The following PTK2 variants were observed in gnomAD, a reference collection of about 807,000 sequenced individuals.
The protein encoded by PTK2 is protein tyrosine kinase 2.
A neutral mutation model predicts 150.1 loss-of-function variants in PTK2; 45 were observed. The ratio of observed to expected loss-of-function variants is 0.30; its 90% CI spans 0.24 to 0.38. PTK2 has a LOEUF of 0.38. Ranked by LOEUF, PTK2 falls within the 10% of genes least tolerant of loss-of-function variation. The probability of loss-of-function intolerance (pLI) is 1.00; values close to 1 mark genes in which losing one functional copy is unlikely to be tolerated. For synonymous variants in PTK2, 432 were observed against 449.2 expected (o/e 0.96, Z 0.48); for missense variants, 919 against 1,307.3 (o/e 0.70, Z 4.58).
chr8:140,727,174 G>A (rs2100046356), intron 22 of PTK2, among the ~76,000 whole-genome samples: 1 of 152,208 alleles, frequency 6.6e-6, no homozygotes, highest in African/African-American at 2.4e-5. Flanking sequence ...GCCAAATTGT[G>A]CACTTTGGCA....
chr8:140,995,404 A>C lies in PTK2; in HGVS notation c.-122+5721T>G, dbSNP rs542975436. On this transcript the variant is annotated intron_variant, in intron 1 of 31. Transcript: ENST00000522684. ...CTCAAAAAAAAAAAAAAAAAAGAAA[A>C]GAAACTCTATAATGGCCTCAAAGTG... Among the ~76,000 whole-genome samples, 8 of 150,658 alleles carry C rather than the reference A, an allele frequency of 5.3e-5. No homozygotes were observed. The East Asian group carries it at 7.8e-4, about 15-fold the overall frequency.
At chr8:140,851,989 GCA>G (rs1416792099) in intron 5 of PTK2, among the ~76,000 whole-genome samples, 2 of 152,076 alleles carry the variant, frequency 1.3e-5, no homozygotes, top group Non-Finnish European at 2.9e-5. Flanking sequence ...ACATGTGTGT[GCA>G]CACACACAAT....
chr8:140,747,015 C>T (rs902066347), intron 17 of PTK2, 155 bp from the exon 21 acceptor site: 13 of 552,216 alleles, frequency 2.4e-5, no homozygotes, highest in Middle Eastern at 5.1e-4. Context: ...CTCAGCCTCC[C>T]GAGTAGCTGG....
intron 7 of PTK2, among the ~76,000 whole-genome samples, chr8:140,842,203 A>T (rs1350629736): frequency 6.6e-6 from 1 of 152,086 alleles, no homozygotes; most frequent in African/African-American, 2.4e-5. Context: ...AAATTTTCTT[A>T]TTTGACACTG....
At chr8:140,706,192 C>A in exon 24 of PTK2, 1 of 1,613,022 alleles carries the variant, frequency 6.2e-7, no homozygotes, top group Non-Finnish European at 8.5e-7. Flanking sequence ...ACTGGGATAA[C>A]CCGGTCTGCT....
chr8:141,001,455 A>G (rs1211480962), upstream of PTK2: 3 of 151,436 alleles, frequency 2.0e-5, no homozygotes, highest in African/African-American at 7.3e-5. Flanking sequence ...TGCTCGCGTA[A>G]TTTGTCCTGT....
intron 26 of PTK2, among the ~76,000 whole-genome samples, chr8:140,693,602 A>ATG (rs1564499233): frequency 1.7e-5 from 2 of 119,730 alleles, no homozygotes; most frequent in Admixed American, 9.4e-5. Context: ...AAAAAAAAAA[A>ATG]GGAGCACTAG....
Position 140,830,662 on chromosome 8 carries a change from G to T in PTK2, c.594-136C>A, listed in dbSNP as rs865847547. On this transcript the variant is annotated intron_variant, in intron 7 of 31. Coordinates refer to ENST00000522684, the Ensembl canonical transcript of PTK2. The stretch of plus-strand genomic sequence containing the variant: ...TTAGGAAGGAAACAAGTATAATAAT[G>T]CTTTAATTTACCAGTATATTCACAG... 11 of 543,206 alleles carry T rather than the reference G, an allele frequency of 2.0e-5. No homozygotes were observed. The South Asian group carries it at 3.2e-4, about 16-fold the overall frequency. 33.6% of individuals were successfully genotyped at this position (543,206 alleles called of 1,614,324 possible).
At chr8:140,927,726 C>A (rs1218277847) in intron 1 of PTK2, among the ~76,000 whole-genome samples, 1 of 151,720 alleles carries the variant, frequency 6.6e-6, no homozygotes, top group Non-Finnish European at 1.5e-5. Context: ...GAGGCCAAGG[C>A]AGGTGGATGA....
At chr8:140,782,649 T>A (rs2154569938) in intron 14 of PTK2, among the ~76,000 whole-genome samples, 1 of 152,314 alleles carries the variant, frequency 6.6e-6, no homozygotes, top group East Asian at 1.9e-4. Flanking sequence ...CAAGGTTTTT[T>A]TTTTTCTTTT....
intron 10 of PTK2, among the ~76,000 whole-genome samples, chr8:140,805,703 T>C (rs949110249): frequency 1.9e-4 from 29 of 152,132 alleles, no homozygotes; most frequent in African/African-American, 6.3e-4. Flanking sequence ...CCAGAATTCA[T>C]GTGTTTACTT....
chr8:140,818,461 G>C, intron 9 of PTK2, 107 bp from the exon 10 acceptor site: 1 of 944,756 alleles, frequency 1.1e-6, no homozygotes. Context: ...GGCTGGTTTG[G>C]TTTGCTATTA....
At chr8:140,896,391 C>T (rs1363862085) in intron 2 of PTK2, among the ~76,000 whole-genome samples, 1 of 152,082 alleles carries the variant, frequency 6.6e-6, no homozygotes, top group Non-Finnish European at 1.5e-5. Flanking sequence ...ATGCAAAAAT[C>T]TTAACAAGTA....
chr8:140,987,942 G>A (rs746819812), intron 1 of PTK2, among the ~76,000 whole-genome samples: 139 of 151,638 alleles, frequency 9.2e-4, no homozygotes, highest in Non-Finnish European at 1.5e-3. Flanking sequence ...CTACTCCAGC[G>A]ACTGAGGTCA....
chr8:140,773,444 T>G (rs569534371), intron 14 of PTK2, among the ~76,000 whole-genome samples: 1 of 152,274 alleles, frequency 6.6e-6, no homozygotes, highest in South Asian at 2.1e-4. Context: ...AGAAGGAATA[T>G]TTTCAAGTGG....
At chr8:140,974,712 T>C (rs544674293) in intron 1 of PTK2, among the ~76,000 whole-genome samples, 2 of 152,326 alleles carry the variant, frequency 1.3e-5, no homozygotes, top group East Asian at 1.9e-4. Context: ...CTCCTTTTGG[T>C]TGGACTCCTT....
chr8:140,800,170 A>G (rs1481942731), intron 12 of PTK2, among the ~76,000 whole-genome samples: 2 of 152,194 alleles, frequency 1.3e-5, no homozygotes, highest in East Asian at 3.8e-4. Flanking sequence ...TAAAAATACT[A>G]ATGTATTTAA....
intron 1 of PTK2, among the ~76,000 whole-genome samples, chr8:140,938,187 T>A (rs952949001): frequency 6.6e-6 from 1 of 152,186 alleles, no homozygotes; most frequent in African/African-American, 2.4e-5. Context: ...GGCTGTCCTG[T>A]TCCCTGTGCT....
At chr8:140,975,574 G>A (rs2100188971) in intron 1 of PTK2, among the ~76,000 whole-genome samples, 1 of 152,086 alleles carries the variant, frequency 6.6e-6, no homozygotes, top group Admixed American at 6.6e-5. Context: ...GACTAAGAAT[G>A]ATTTTTACAT....
Sources: allele counts gnomAD v4.1 joint callset (sites outside exome capture counted in the v4.1 genomes callset), GRCh38; gene constraint gnomAD v4.1.1; transcripts MANE v1.5; gene names NCBI Gene and HGNC (gene_info 2026-07-23, HGNC 2026-07-21).